FHAD1: variants seen among roughly 807,000 people sequenced by gnomAD.
FHAD1 encodes the protein forkhead-associated domain-containing protein 1.
Under a neutral mutation model 191.3 loss-of-function variants are expected in FHAD1, and 146 were observed. The observed-to-expected ratio is 0.76, with a 90% CI of 0.67 to 0.88. The LOEUF is 0.88. Ranked by LOEUF, FHAD1 falls within the 40% of genes least tolerant of loss-of-function variation. The pLI, the probability that FHAD1 is intolerant of heterozygous loss-of-function variation, is 0.00. For synonymous variants in FHAD1, 616 were observed against 672.3 expected (o/e 0.92, Z 1.29); for missense variants, 1,635 against 1,785.8 (o/e 0.92, Z 1.52).
intron 23 of FHAD1, chr1:15,364,073 T>G: frequency 3.5e-6 from 1 of 282,204 alleles, no homozygotes; most frequent in South Asian, 3.5e-5. Flanking sequence ...CCAGCTCTGC[T>G]CTGGTCCACT....
intron 2 of FHAD1, among the ~76,000 whole-genome samples, chr1:15,260,507 G>C (rs1285220998): frequency 6.6e-6 from 1 of 152,138 alleles, no homozygotes; most frequent in Non-Finnish European, 1.5e-5. Context: ...TGGCCGCCTG[G>C]GCTCTTGGCT....
At chr1:15,287,651 A>G (rs1411672563) in intron 3 of FHAD1, among the ~76,000 whole-genome samples, 1 of 152,092 alleles carries the variant, frequency 6.6e-6, no homozygotes, top group Admixed American at 6.5e-5. Flanking sequence ...ACAGTTCAAG[A>G]TGAGATTTGG....
intron 12 of FHAD1, chr1:15,328,033 C>CA (rs35961851): frequency 0.032 from 3,792 of 119,748 alleles, 4 homozygotes; most frequent in East Asian, 0.057. Context: ...AACTCCGTCG[C>CA]AAAAAAAAAA....
chr1:15,274,607 G>T (rs1344573422), intron 3 of FHAD1, among the ~76,000 whole-genome samples: 1 of 87,432 alleles, frequency 1.1e-5, no homozygotes, highest in Non-Finnish European at 2.2e-5. Context: ...GCAAGACTCC[G>T]CCTCAAAAAA....
downstream of FHAD1, among the ~76,000 whole-genome samples, chr1:15,402,097 A>T (rs1707141118): frequency 6.6e-6 from 1 of 152,198 alleles, no homozygotes; most frequent in African/African-American, 2.4e-5. Context: ...TCTTCTGGCT[A>T]ACTGTGGTCT....
upstream of FHAD1, among the ~76,000 whole-genome samples, chr1:15,244,294 A>G (rs897247096): frequency 1.3e-5 from 2 of 152,182 alleles, no homozygotes; most frequent in African/African-American, 4.8e-5. This position sits in a 1 kb window ranked among gnomAD's most constrained non-coding sequence, Gnocchi z 5.1. Flanking sequence ...CTTCGGCTCC[A>G]CTGATTCTGA....
chr1:15,245,147 C>T (rs573584598), upstream of FHAD1, among the ~76,000 whole-genome samples: 5 of 152,300 alleles, frequency 3.3e-5, no homozygotes, highest in South Asian at 2.1e-4. Context: ...ATGAGGGATT[C>T]GCCCGCATGA....
At chr1:15,262,460 C>T (rs60923519) in intron 2 of FHAD1, among the ~76,000 whole-genome samples, 1,760 of 152,280 alleles carry the variant, frequency 0.012, 35 homozygotes, top group African/African-American at 0.04. Flanking sequence ...GAGCTAGAAA[C>T]GAGGTCTCAC....
chr1:15,277,363 C>T (rs1297660767), intron 3 of FHAD1, among the ~76,000 whole-genome samples: 1 of 152,188 alleles, frequency 6.6e-6, no homozygotes, highest in East Asian at 1.9e-4. Context: ...ACTCCAATGG[C>T]AATCTAGCCT....
Position 15,392,401 on chromosome 1 carries a change from G to A in FHAD1, c.4323+1138G>A, listed in dbSNP as rs537508260. 7.9e-5 allele frequency among the ~76,000 whole-genome samples: 12 copies of A among 152,234 alleles called. No homozygotes were observed. In the East Asian group the frequency reaches 9.7e-4, roughly 12 times the overall value. ...CAAAAAATTAGCTGGGCATGGTGGCGGGCGCCTGTAGTCCCAGCTACTCGG... is the reference window on the plus strand; with the variant it reads ...CAAAAAATTAGCTGGGCATGGTGGCAGGCGCCTGTAGTCCCAGCTACTCGG... On this transcript the variant is annotated intron_variant, in intron 33 of 33. Transcript: ENST00000688493.
At chr1:15,295,031 T>G (rs535906460) in intron 4 of FHAD1, among the ~76,000 whole-genome samples, 2 of 152,264 alleles carry the variant, frequency 1.3e-5, no homozygotes, top group South Asian at 4.1e-4. Context: ...GGAATAATGA[T>G]GAGATTGTTT....
chr1:15,356,928 G>A (rs1206076223), intron 20 of FHAD1, among the ~76,000 whole-genome samples: 3 of 151,724 alleles, frequency 2.0e-5, no homozygotes, highest in Non-Finnish European at 2.9e-5. Context: ...CAATGTCATC[G>A]AACAATCTTC....
intron 3 of FHAD1, among the ~76,000 whole-genome samples, chr1:15,273,205 G>T (rs944475640): frequency 6.6e-6 from 1 of 152,102 alleles, no homozygotes; most frequent in Non-Finnish European, 1.5e-5. Context: ...TCATACAAAG[G>T]TATTTATTGA....
At chr1:15,345,383 A>T in intron 17 of FHAD1, 33 bp from the exon 18 acceptor site, 1 of 1,539,242 alleles carries the variant, frequency 6.5e-7, no homozygotes. Context: ...TCCCATGGTA[A>T]CCATGTCTAT....
chr1:15,398,784 CAAA>C (rs5772639), downstream of FHAD1, among the ~76,000 whole-genome samples: 1 of 133,776 alleles, frequency 7.5e-6, no homozygotes, highest in Admixed American at 7.6e-5. Flanking sequence ...GCCAGGCAGC[CAAA>C]AAAAAAAAAA....
chr1:15,322,888 A>T (rs1676789732), intron 10 of FHAD1, among the ~76,000 whole-genome samples: 1 of 152,228 alleles, frequency 6.6e-6, no homozygotes, highest in Non-Finnish European at 1.5e-5. Context: ...GGGAAGAAAA[A>T]GAGGTTTAAT....
intron 3 of FHAD1, among the ~76,000 whole-genome samples, chr1:15,277,314 G>A (rs1658750887): frequency 6.6e-6 from 1 of 152,210 alleles, no homozygotes; most frequent in Non-Finnish European, 1.5e-5. Flanking sequence ...GTGCAGTGAA[G>A]AACACAAAGG....
intron 10 of FHAD1, 28 bp downstream of exon 10, chr1:15,317,956 G>A: frequency 7.0e-7 from 1 of 1,435,782 alleles, no homozygotes. Context: ...GGCCCAGAGA[G>A]TGGTGTGGGC....
At chr1:15,324,613 C>G in intron 11 of FHAD1, 54 bp downstream of exon 11, 1 of 1,304,042 alleles carries the variant, frequency 7.7e-7, no homozygotes, top group Non-Finnish European at 1.1e-6. Context: ...ATGATTGCAC[C>G]CAAGCAGCCA....
Sources: allele counts gnomAD v4.1 joint callset (sites outside exome capture counted in the v4.1 genomes callset), GRCh38; gene constraint gnomAD v4.1.1; non-coding constraint Gnocchi (gnomAD v3.1); transcripts MANE v1.5; gene names NCBI Gene and HGNC (gene_info 2026-07-23, HGNC 2026-07-21).